Variants in PIK3C3 observed in about 807,000 individuals in gnomAD.
PIK3C3 encodes the protein phosphatidylinositol 3-kinase catalytic subunit type 3.
Under a neutral mutation model 126.1 loss-of-function variants are expected in PIK3C3, and 95 were observed. The ratio of observed to expected loss-of-function variants is 0.75; its 90% CI spans 0.64 to 0.89. The LOEUF (loss-of-function observed/expected upper bound fraction) is 0.89, where lower values mean the gene tolerates loss of function less well. PIK3C3 is among the 40% of genes least tolerant of loss of function. PIK3C3 has a pLI of 0.00. For synonymous variants in PIK3C3, 374 were observed against 360.0 expected (o/e 1.04, Z -0.44); for missense variants, 829 against 1,063.2 (o/e 0.78, Z 3.06).
intron 4 of PIK3C3, among the ~76,000 whole-genome samples, chr18:41,973,698 A>G (rs1037348784): frequency 6.6e-6 from 1 of 152,106 alleles, no homozygotes; most frequent in Admixed American, 6.5e-5. Context: ...TCTCTTTCTC[A>G]AAACGTTTTG....
At chr18:42,062,829 C>T (rs1200997614) in intron 22 of PIK3C3, among the ~76,000 whole-genome samples, 2 of 152,064 alleles carry the variant, frequency 1.3e-5, no homozygotes, top group Admixed American at 6.6e-5. Context: ...TTCCATTTAG[C>T]CTCTCCTATC....
intron 17 of PIK3C3, 58 bp downstream of exon 17, chr18:42,037,878 T>C: frequency 6.8e-7 from 1 of 1,478,552 alleles, no homozygotes; most frequent in Non-Finnish European, 9.3e-7. Flanking sequence ...TACTGTGGCT[T>C]AGTTCATTTG....
chr18:42,020,526 A>T (rs761731426), intron 12 of PIK3C3, 112 bp from the exon 13 acceptor site: 1 of 635,480 alleles, frequency 1.6e-6, no homozygotes, highest in Admixed American at 3.1e-5. Flanking sequence ...AGAAAATCTG[A>T]TCTATTACAT....
intron 24 of PIK3C3, among the ~76,000 whole-genome samples, chr18:42,077,123 A>G (rs1209881742): frequency 6.6e-6 from 1 of 152,240 alleles, no homozygotes; most frequent in Non-Finnish European, 1.5e-5. Flanking sequence ...ATGCAGTAGC[A>G]TTATGTCTTT....
chr18:41,968,712 T>G (rs776348922), intron 3 of PIK3C3, among the ~76,000 whole-genome samples: 22 of 152,176 alleles, frequency 1.4e-4, no homozygotes, highest in Non-Finnish European at 3.1e-4. Context: ...CTTTATTACC[T>G]TAGGAAAATC....
At chr18:42,009,635 TTA>T in intron 10 of PIK3C3, among the ~76,000 whole-genome samples, 1 of 148,524 alleles carries the variant, frequency 6.7e-6, no homozygotes. Context: ...GTAATGTACA[TTA>T]TGTAATGCTT....
intron 14 of PIK3C3, among the ~76,000 whole-genome samples, 154 bp downstream of exon 14, chr18:42,027,702 C>T (rs962932721): frequency 7.9e-5 from 12 of 151,958 alleles, no homozygotes; most frequent in East Asian, 5.8e-4. Flanking sequence ...TTACCCAGGC[C>T]GGAGTACAGT....
At chr18:41,980,184 TTA>T (rs1402404367) in intron 4 of PIK3C3, among the ~76,000 whole-genome samples, 13 of 152,314 alleles carry the variant, frequency 8.5e-5, no homozygotes, top group African/African-American at 2.2e-4. Flanking sequence ...TTTCAATTGA[TTA>T]TATATGTTAG....
intron 24 of PIK3C3, among the ~76,000 whole-genome samples, chr18:42,068,870 A>G (rs1156638810): frequency 2.0e-5 from 3 of 151,662 alleles, no homozygotes; most frequent in Admixed American, 6.6e-5. Flanking sequence ...GAATGGCATG[A>G]ACCTGGGAGG....
At chr18:42,056,688 G>T (rs183951873) in intron 21 of PIK3C3, among the ~76,000 whole-genome samples, 2 of 152,186 alleles carry the variant, frequency 1.3e-5, no homozygotes, top group Admixed American at 6.5e-5. Flanking sequence ...AGTACCAAAA[G>T]AATTGCTTAG....
intron 10 of PIK3C3, among the ~76,000 whole-genome samples, chr18:42,012,638 A>T (rs1351648665): frequency 6.6e-6 from 1 of 152,208 alleles, no homozygotes; most frequent in Non-Finnish European, 1.5e-5. Flanking sequence ...TTTATAGAGA[A>T]ATACTGGAAG....
intron 4 of PIK3C3, among the ~76,000 whole-genome samples, chr18:41,976,834 A>G (rs535806450): frequency 6.6e-6 from 1 of 152,370 alleles, no homozygotes; most frequent in Non-Finnish European, 1.5e-5. Context: ...TAAATTCATG[A>G]AAAGATGAAA....
rs1598860914 is a variant in PIK3C3, at chr18:41,977,859, G to C, written c.531+7403G>C. On this transcript the variant is annotated intron_variant, in intron 4 of 24. Transcript: ENST00000262039. The stretch of plus-strand genomic sequence containing the variant: ...ATGGTAACGAAGTCTCATTCATTCA[G>C]CTCAGGCTTTTGTCAGATTATTGAC... 2.0e-5 allele frequency among the ~76,000 whole-genome samples: 3 copies of C among 152,310 alleles called. No homozygotes were observed. The South Asian group carries it at 6.2e-4, about 32-fold the overall frequency.
At chr18:42,067,639 A>G in intron 24 of PIK3C3, 126 bp downstream of exon 24, 5 of 965,718 alleles carry the variant, frequency 5.2e-6, no homozygotes, top group South Asian at 1.7e-5. Flanking sequence ...TCGTTTTGAC[A>G]TCTCACCAGC....
intron 21 of PIK3C3, among the ~76,000 whole-genome samples, chr18:42,052,025 A>G (rs919533824): frequency 2.0e-5 from 3 of 151,852 alleles, no homozygotes; most frequent in African/African-American, 4.8e-5. Context: ...TTGCCAGTGG[A>G]AAAAAAGGTA....
At position 42,004,393 on chromosome 18, in the gene PIK3C3, T is replaced by C; in HGVS notation, c.1022T>C (p.Leu341Pro). 6.2e-7 allele frequency: 1 copy of C among 1,612,350 alleles called. No individual in the cohort carries two copies. Among genetic ancestry groups the C allele is most frequent in the Non-Finnish European group, 8.5e-7 (1 of 1,179,486 alleles). Residue 341 changes from leucine to proline, a missense_variant, in exon 10 of 25, where the codon CTA becomes CCA. By Grantham distance (98) the Leu-to-Pro change is moderately conservative. This residue lies in a region of PIK3C3 where 64 missense variants were observed against 118.7 expected (regional missense o/e 0.54). Transcript: ENST00000262039. ...TKFLKCVNWD[L>P]PQEAKQALEL... ...TTCTTGAAATGTGTTAATTGGGATC[T>C]ACCTCAAGAGGCCAAACAGGCCTTG...
chr18:42,006,660 C>T (rs1411148921), intron 10 of PIK3C3, among the ~76,000 whole-genome samples: 1 of 152,152 alleles, frequency 6.6e-6, no homozygotes, highest in East Asian at 1.9e-4. Flanking sequence ...TTTATTTTAG[C>T]ATGTCCTGAA....
intron 21 of PIK3C3, chr18:42,057,672 T>A: frequency 2.0e-6 from 1 of 493,960 alleles, no homozygotes; most frequent in Non-Finnish European, 3.5e-6. Context: ...TTAGGCATAG[T>A]TTCGTGTGAA....
intron 24 of PIK3C3, among the ~76,000 whole-genome samples, chr18:42,076,190 A>G (rs971150048): frequency 8.5e-6 from 1 of 117,234 alleles, no homozygotes; most frequent in African/African-American, 4.1e-5. Flanking sequence ...ACATATATAT[A>G]TGCACACATA....
Sources: gnomAD v4.1 joint callset for allele counts (sites outside exome capture counted in the v4.1 genomes callset) on GRCh38, gnomAD v4.1.1 for gene constraint, gnomAD v4.1.1 regional missense constraint, MANE v1.5 for transcripts, NCBI Gene and HGNC (gene_info 2026-07-23, HGNC 2026-07-21) for gene names.